The following PHACTR4 variants were observed in gnomAD, a reference collection of about 807,000 sequenced individuals.
The protein encoded by PHACTR4 is protein phosphatase 1, regulatory subunit 124.
A neutral mutation model predicts 72.7 loss-of-function variants in PHACTR4; 51 were observed. That is an observed-to-expected ratio of 0.70 (90% CI 0.56 to 0.89). The LOEUF is 0.89. Among genes scored for constraint, PHACTR4 ranks in the 40% least tolerant of loss-of-function variants. PHACTR4 has a pLI of 0.00. For synonymous variants in PHACTR4, 255 were observed against 302.5 expected (o/e 0.84, Z 1.63); for missense variants, 731 against 861.8 (o/e 0.85, Z 1.90).
At chr1:28,383,211 G>A (rs1157220271) in intron 1 of PHACTR4, among the ~76,000 whole-genome samples, 3 of 152,032 alleles carry the variant, frequency 2.0e-5, no homozygotes, top group African/African-American at 7.2e-5. Context: ...TGTTCTATTG[G>A]TCTATGTGTC....
chr1:28,393,424 A>G (rs1653216995), intron 1 of PHACTR4, among the ~76,000 whole-genome samples: 1 of 152,222 alleles, frequency 6.6e-6, no homozygotes, highest in Non-Finnish European at 1.5e-5. Flanking sequence ...GCTGGACTGC[A>G]CAAATGATGG....
intron 1 of PHACTR4, among the ~76,000 whole-genome samples, chr1:28,407,128 A>G (rs1654392781): frequency 6.6e-6 from 1 of 152,082 alleles, no homozygotes; most frequent in African/African-American, 2.4e-5. Flanking sequence ...CAATTCCCCT[A>G]AAATAACTCC....
intron 13 of PHACTR4, chr1:28,494,233 G>A (rs1661202859): frequency 6.6e-6 from 1 of 152,062 alleles, no homozygotes; most frequent in South Asian, 2.1e-4. Context: ...GATTTAGGCA[G>A]GGGCCTGGTG....
At position 28,480,410 on chromosome 1, in the gene PHACTR4, A is replaced by C. The variant is rs771661263; in HGVS notation, c.1607-41A>C. 4 of 1,609,094 alleles carry C rather than the reference A, an allele frequency of 2.5e-6. No individual in the cohort carries two copies. In the South Asian group the frequency reaches 4.4e-5, roughly 18 times the overall value. On this transcript the variant is annotated intron_variant, in intron 8 of 13. Transcript: ENST00000373839. The stretch of plus-strand genomic sequence containing the variant: ...CAGGTAAGGTTGAACCTTTGGCTTT[A>C]AGCCTCAAGTTCTACATTTTTTTCT...
chr1:28,460,314 A>G (rs1177009294), intron 4 of PHACTR4, 22 bp downstream of exon 4: 10 of 1,535,428 alleles, frequency 6.5e-6, no homozygotes, highest in Non-Finnish European at 9.0e-6. Flanking sequence ...AATAAATAGC[A>G]TATGCCTGTC....
chr1:28,413,865 A>T (rs1185560664), intron 2 of PHACTR4, among the ~76,000 whole-genome samples: 1 of 152,188 alleles, frequency 6.6e-6, no homozygotes, highest in Non-Finnish European at 1.5e-5. Context: ...ATGTATAGGC[A>T]GGTTGCCTTT....
intron 2 of PHACTR4, among the ~76,000 whole-genome samples, chr1:28,417,622 T>C (rs183148025): frequency 4.6e-5 from 7 of 152,280 alleles, no homozygotes; most frequent in Non-Finnish European, 1.0e-4. Context: ...GAGTGGCACA[T>C]GATTTAAAAC....
At chr1:28,456,032 CTA>C (rs1377323417) in intron 2 of PHACTR4, among the ~76,000 whole-genome samples, 1 of 151,962 alleles carries the variant, frequency 6.6e-6, no homozygotes, top group East Asian at 1.9e-4. Flanking sequence ...TATGTATCAA[CTA>C]TTTTTTTTTT....
At chr1:28,455,915 A>G (rs1658354112) in intron 2 of PHACTR4, among the ~76,000 whole-genome samples, 1 of 152,224 alleles carries the variant, frequency 6.6e-6, no homozygotes, top group African/African-American at 2.4e-5. Context: ...ATCTGCCTCT[A>G]AAAGTTTTGT....
chr1:28,382,777 C>G lies in PHACTR4; in HGVS notation c.-39+12952C>G, dbSNP rs568233999. On this transcript the variant is annotated intron_variant, in intron 1 of 13. Transcript: ENST00000373839. ...ATCTTCTGCATACTAGCCAGTTATCCCAGCACTGTTTATTATTATTAATTT... is the reference window on the plus strand; with the variant it reads ...ATCTTCTGCATACTAGCCAGTTATCGCAGCACTGTTTATTATTATTAATTT... Among the ~76,000 whole-genome samples, 23 of 151,790 alleles carry G rather than the reference C, an allele frequency of 1.5e-4. No individual in the cohort carries two copies. The East Asian group carries it at 4.5e-3, about 30-fold the overall frequency.
chr1:28,425,917 G>A (rs1383660265), intron 2 of PHACTR4, among the ~76,000 whole-genome samples: 1 of 152,000 alleles, frequency 6.6e-6, no homozygotes, highest in Non-Finnish European at 1.5e-5. Flanking sequence ...ATACCTCTTG[G>A]TTCCTTAATA....
At chr1:28,396,944 C>T (rs531459993) in intron 1 of PHACTR4, among the ~76,000 whole-genome samples, 12 of 150,900 alleles carry the variant, frequency 8.0e-5, no homozygotes, top group Admixed American at 2.0e-4. Flanking sequence ...CTACCCGCCT[C>T]GGCCTCCTAA....
chr1:28,441,634 C>T (rs1387933004), intron 2 of PHACTR4, among the ~76,000 whole-genome samples: 1 of 152,082 alleles, frequency 6.6e-6, no homozygotes, highest in African/African-American at 2.4e-5. Flanking sequence ...AAGTTCTCAT[C>T]AGTTCATTGA....
intron 2 of PHACTR4, among the ~76,000 whole-genome samples, chr1:28,425,779 AAG>A (rs1323262726): frequency 6.6e-6 from 1 of 152,220 alleles, no homozygotes; most frequent in Non-Finnish European, 1.5e-5. Flanking sequence ...AGAGTTGTGA[AAG>A]AGAGAGAAGG....
intron 2 of PHACTR4, among the ~76,000 whole-genome samples, chr1:28,429,443 G>GT (rs1204195533): frequency 2.0e-5 from 3 of 152,142 alleles, no homozygotes; most frequent in Non-Finnish European, 4.4e-5. Context: ...TGGTCTCGAC[G>GT]TTTTTTCTGG....
intron 5 of PHACTR4, 85 bp from the exon 6 acceptor site, chr1:28,466,297 G>C: frequency 7.1e-7 from 1 of 1,418,320 alleles, no homozygotes; most frequent in South Asian, 1.4e-5. Context: ...GGTGAAATTG[G>C]CCACAAATTC....
At chr1:28,475,700 T>C (rs2124509851) in intron 7 of PHACTR4, among the ~76,000 whole-genome samples, 1 of 151,988 alleles carries the variant, frequency 6.6e-6, no homozygotes. Flanking sequence ...ATAGATTTTT[T>C]TGTATTTATG....
chr1:28,490,494 T>A (rs1660962321), intron 10 of PHACTR4, among the ~76,000 whole-genome samples: 1 of 146,942 alleles, frequency 6.8e-6, no homozygotes, highest in South Asian at 2.1e-4. Context: ...ATTGCGCCAC[T>A]GCACTCCAGC....
chr1:28,442,348 C>T (rs1033939022), intron 2 of PHACTR4, among the ~76,000 whole-genome samples: 3 of 151,494 alleles, frequency 2.0e-5, no homozygotes, highest in Admixed American at 2.0e-4. Flanking sequence ...CCTGTAGTCC[C>T]AGCTACTCAG....
Sources: gnomAD v4.1 joint callset for allele counts (sites outside exome capture counted in the v4.1 genomes callset) on GRCh38, gnomAD v4.1.1 for gene constraint, MANE v1.5 for transcripts, NCBI Gene and HGNC (gene_info 2026-07-23, HGNC 2026-07-21) for gene names.